Variants in FAT4 observed in about 807,000 individuals in gnomAD.
FAT4 encodes protocadherin Fat 4.
FAT4 carries 84 observed loss-of-function variants against 303.9 expected under a neutral mutation model. The observed-to-expected ratio is 0.28, with a 90% CI of 0.23 to 0.33. The LOEUF (loss-of-function observed/expected upper bound fraction) is 0.33, where lower values mean the gene tolerates loss of function less well. FAT4 is among the 10% of genes least tolerant of loss of function. FAT4 has a pLI of 1.00. For missense variants in FAT4, 6,005 were observed against 6,146.8 expected (o/e 0.98, Z 0.77); for synonymous variants, 2,307 against 2,298.8 (o/e 1.00, Z -0.10).
chr4:125,390,569 G>A (rs928991138), intron 2 of FAT4, among the ~76,000 whole-genome samples: 1 of 152,302 alleles, frequency 6.6e-6, no homozygotes, highest in East Asian at 1.9e-4. Context: ...TGTTTTGAAT[G>A]TAAGATTAGA....
chr4:125,487,308 T>C, intron 16 of FAT4, 37 bp from the exon 17 acceptor site: 2 of 1,572,602 alleles, frequency 1.3e-6, no homozygotes, highest in South Asian at 1.2e-5. Flanking sequence ...AAGCATACCA[T>C]ATTTTAATTG....
At position 125,468,837 on chromosome 4, in the gene FAT4, ATTG is replaced by A; in HGVS notation, c.12213+26_12213+28del. 3.1e-6 allele frequency: 5 copies of A among 1,597,250 alleles called. 1 individual carries two copies. The South Asian group carries it at 3.4e-5, about 11-fold the overall frequency. ...CAGGAATGGTAAGATATTTCATTTT[ATTG>A]TTGTTGTATATCCAACTGGATCTTC... On this transcript the variant is annotated intron_variant, in intron 12 of 17. Coordinates refer to ENST00000394329, the MANE Select transcript of FAT4 (RefSeq NM_001291303.3).
At chr4:125,389,804 T>C (rs1022606897) in intron 2 of FAT4, among the ~76,000 whole-genome samples, 2 of 152,210 alleles carry the variant, frequency 1.3e-5, no homozygotes, top group African/African-American at 2.4e-5. Flanking sequence ...AACAAATAAA[T>C]ACTTAAAACC....
intron 10 of FAT4, among the ~76,000 whole-genome samples, chr4:125,460,206 A>G (rs1726435404): frequency 6.6e-6 from 1 of 152,046 alleles, no homozygotes; most frequent in Non-Finnish European, 1.5e-5. Context: ...ATACTCTACC[A>G]CCAACAGATA....
At position 125,408,515 on chromosome 4, in the gene FAT4, AATGAAGATG is replaced by A; in HGVS notation, c.5651_5659del (p.Asp1884_Asp1886del). The stretch of plus-strand genomic sequence containing the variant: ...GAATGGAGAAATTACATATATTGTG[AATGAAGATG>A]ATGAAGATGGCATCTTTTTCCTGAA... On this transcript the variant is annotated inframe_deletion, in exon 5 of 18. Transcript: ENST00000394329. 3 of 1,613,410 alleles carry A rather than the reference AATGAAGATG, an allele frequency of 1.9e-6. No individual in the cohort carries two copies. Among genetic ancestry groups the A allele is most frequent in the Non-Finnish European group, 2.5e-6 (3 of 1,179,664 alleles).
intron 8 of FAT4, among the ~76,000 whole-genome samples, chr4:125,445,085 C>T (rs1306759956): frequency 2.6e-5 from 4 of 152,050 alleles, no homozygotes; most frequent in Non-Finnish European, 4.4e-5. Flanking sequence ...CTGATTCTGT[C>T]GTGTGATTTG....
chr4:125,462,777 C>T (rs1351779396), intron 10 of FAT4, among the ~76,000 whole-genome samples: 2 of 151,890 alleles, frequency 1.3e-5, no homozygotes, highest in Non-Finnish European at 2.9e-5. Flanking sequence ...TAAATATTTC[C>T]TTTGTATGGA....
intron 2 of FAT4, among the ~76,000 whole-genome samples, chr4:125,348,317 G>C (rs1391267104): frequency 1.3e-5 from 2 of 151,636 alleles, no homozygotes; most frequent in Non-Finnish European, 3.0e-5. Context: ...AGAGTTCAGA[G>C]AACACAACAA....
At chr4:125,322,684 G>A (rs1034699972) in intron 2 of FAT4, among the ~76,000 whole-genome samples, 5 of 151,612 alleles carry the variant, frequency 3.3e-5, no homozygotes, top group African/African-American at 9.7e-5. Context: ...TCTTTTTTGG[G>A]GGGAGGAGGT....
At chr4:125,439,688 T>C (rs1437783133) in intron 8 of FAT4, among the ~76,000 whole-genome samples, 1 of 152,162 alleles carries the variant, frequency 6.6e-6, no homozygotes, top group African/African-American at 2.4e-5. Flanking sequence ...TTCAATTTCC[T>C]CCAACTCTTT....
At chr4:125,443,390 T>G (rs1725724900) in intron 8 of FAT4, among the ~76,000 whole-genome samples, 1 of 152,158 alleles carries the variant, frequency 6.6e-6, no homozygotes, top group African/African-American at 2.4e-5. Flanking sequence ...ATTGGTACAT[T>G]TTCCGTCTTC....
intron 8 of FAT4, among the ~76,000 whole-genome samples, chr4:125,438,629 A>G (rs1325870426): frequency 6.6e-6 from 1 of 152,222 alleles, no homozygotes; most frequent in African/African-American, 2.4e-5. Flanking sequence ...AATAAAAAAC[A>G]TTCAATTCAC....
chr4:125,351,655 C>G (rs778576147), intron 2 of FAT4, among the ~76,000 whole-genome samples: 14 of 151,578 alleles, frequency 9.2e-5, no homozygotes, highest in Non-Finnish European at 1.6e-4. Flanking sequence ...TATATAGAAC[C>G]AAACTCCCAT....
At chr4:125,436,056 G>A (rs1202821765) in intron 8 of FAT4, among the ~76,000 whole-genome samples, 1 of 148,626 alleles carries the variant, frequency 6.7e-6, no homozygotes, top group Non-Finnish European at 1.5e-5. Flanking sequence ...CGGGGGAGGG[G>A]GGGAGGGATA....
At position 125,491,689 on chromosome 4, in the gene FAT4, A is replaced by AAGC; in HGVS notation, c.14881_14883dup (p.Ala4961dup). ...AAAGATTTGGCATCTCTTCCAGAAA[A>AAGC]AGCAGCAGCAAATGAAGAAGGCAAA... On this transcript the variant is annotated inframe_insertion, in exon 18 of 18. Transcript: ENST00000394329. 1 of 1,614,202 alleles carries AAGC rather than the reference A, an allele frequency of 6.2e-7. No individual in the cohort carries two copies. The highest frequency in any genetic ancestry group is 8.5e-7 in the Non-Finnish European group (1 of 1,180,036).
chr4:125,375,456 A>G (rs1246197390), intron 2 of FAT4, among the ~76,000 whole-genome samples: 6 of 152,194 alleles, frequency 3.9e-5, no homozygotes, highest in Non-Finnish European at 5.9e-5. Flanking sequence ...GCTTATCGTC[A>G]TGTCACTGAC....
At chr4:125,369,265 A>G (rs2125990463) in intron 2 of FAT4, among the ~76,000 whole-genome samples, 1 of 152,274 alleles carries the variant, frequency 6.6e-6, no homozygotes, top group Non-Finnish European at 1.5e-5. Context: ...CTAGAGTTTT[A>G]AGGAAGAGGG....
intron 7 of FAT4, among the ~76,000 whole-genome samples, chr4:125,427,560 G>A (rs1725125541): frequency 2.3e-4 from 1 of 4,444 alleles, no homozygotes; most frequent in South Asian, 0.042. Context: ...CATACCTTTT[G>A]TTTTATGTAT....
intron 12 of FAT4, among the ~76,000 whole-genome samples, chr4:125,470,579 A>G (rs1021701493): frequency 6.6e-6 from 1 of 152,196 alleles, no homozygotes; most frequent in Non-Finnish European, 1.5e-5. Context: ...ACTACCTTAC[A>G]GAGATGACTT....
Sources: gnomAD v4.1 joint callset for allele counts (sites outside exome capture counted in the v4.1 genomes callset) on GRCh38, gnomAD v4.1.1 for gene constraint, MANE v1.5 for transcripts, NCBI Gene and HGNC (gene_info 2026-07-23, HGNC 2026-07-21) for gene names.